Variants in THTPA observed in about 807,000 individuals in gnomAD.
The protein encoded by THTPA is thiamine-triphosphatase.
THTPA carries 16 observed loss-of-function variants against 16.5 expected under a neutral mutation model. That is an observed-to-expected ratio of 0.97 (90% confidence interval 0.66 to 1.47). The LOEUF (loss-of-function observed/expected upper bound fraction) is 1.47. Among genes scored for constraint, THTPA ranks in the 40% most tolerant of loss-of-function variants. The pLI, the probability that THTPA is intolerant of heterozygous loss-of-function variation, is 0.00. For missense variants in THTPA, 281 were observed against 280.9 expected (o/e 1.00, Z 0.00); for synonymous variants, 110 against 115.5 (o/e 0.95, Z 0.30).
At chr14:23,527,955 G>A in the THTPA span, among the ~76,000 whole-genome samples, 10 of 146,928 alleles carry the variant, frequency 6.8e-5, no homozygotes, top group African/African-American at 1.0e-4. Flanking sequence ...CACCCAGGCC[G>A]GAGTGCAGTG....
At chr14:23,525,110 T>C in the THTPA span, 1 of 1,536,166 alleles carries the variant, frequency 6.5e-7, no homozygotes. The surrounding 1 kb of genome is among the most constrained non-coding windows in gnomAD (Gnocchi z 5.9). Context: ...AAAGAAAGAC[T>C]GCAGGGCTTG....
At chr14:23,544,878 T>C in the THTPA span, among the ~76,000 whole-genome samples, 24 of 152,164 alleles carry the variant, frequency 1.6e-4, no homozygotes, top group Non-Finnish European at 3.1e-4. Flanking sequence ...ACCTTTTTTT[T>C]CTGCTCCTCC....
the THTPA span, chr14:23,526,551 G>T: frequency 1.3e-6 from 2 of 1,535,928 alleles, no homozygotes; most frequent in Non-Finnish European, 1.7e-6. Context: ...TCAGGTTCAG[G>T]GACTGGAGAT....
the THTPA span, chr14:23,528,563 A>G: frequency 1.0e-6 from 1 of 973,110 alleles, no homozygotes; most frequent in African/African-American, 1.8e-5. Flanking sequence ...CATTTTCTGG[A>G]CCCAGAGGCT....
At chr14:23,539,517 G>A in the THTPA span, among the ~76,000 whole-genome samples, 1 of 152,156 alleles carries the variant, frequency 6.6e-6, no homozygotes, top group African/African-American at 2.4e-5. Context: ...CGAGCAAGAT[G>A]GGGGAAATAG....
chr14:23,555,745 G>C (rs1428262787), upstream of THTPA: 2 of 136,836 alleles, frequency 1.5e-5, no homozygotes, highest in Non-Finnish European at 3.0e-5. Flanking sequence ...GGCTGCTATA[G>C]CAGATATCTG....
At chr14:23,551,997 G>A (rs879493319), upstream of THTPA, among the ~76,000 whole-genome samples, 2 of 152,166 alleles carry the variant, frequency 1.3e-5, no homozygotes, top group Non-Finnish European at 2.9e-5. This position sits in a 1 kb window ranked among gnomAD's most constrained non-coding sequence, Gnocchi z 5.3. Flanking sequence ...TCATCCTGTG[G>A]CCTGCAGAAA....
chr14:23,528,873 C>G, the THTPA span: 5 of 976,050 alleles, frequency 5.1e-6, no homozygotes, highest in East Asian at 1.1e-4. Flanking sequence ...CAGGCTGGCA[C>G]CAGTGGCACA....
the THTPA span, chr14:23,526,935 C>G: frequency 6.5e-7 from 1 of 1,530,980 alleles, no homozygotes; most frequent in South Asian, 1.2e-5. Flanking sequence ...TGGGTGCAGA[C>G]AGCACTTTGG....
rs1327706507 is a variant in THTPA, at chr14:23,560,035, C to A, written c.*1195C>A. ...GGGGGCCTGCAGCTGCAGCTGGAGACTCTGAACACAGGAGTTTAACAGAGC... is the reference window on the plus strand; with the variant it reads ...GGGGGCCTGCAGCTGCAGCTGGAGAATCTGAACACAGGAGTTTAACAGAGC... On this transcript the variant is annotated 3_prime_UTR_variant, in exon 2 of 2. Transcript: ENST00000288014. The A allele has an allele frequency of 6.2e-7, 1 of 1,600,410 alleles. No individual in the cohort carries two copies.
chr14:23,529,350 C>G, the THTPA span: 1 of 247,776 alleles, frequency 4.0e-6, no homozygotes, highest in Non-Finnish European at 7.9e-6. Flanking sequence ...CTTTCTGCTC[C>G]TAACTAAGGG....
chr14:23,546,602 G>T, the THTPA span, among the ~76,000 whole-genome samples: 1 of 152,128 alleles, frequency 6.6e-6, no homozygotes, highest in Admixed American at 6.5e-5. This position sits in a 1 kb window ranked among gnomAD's most constrained non-coding sequence, Gnocchi z 4.7. Context: ...TTTCACCCCT[G>T]CCTTGCCAGC....
At chr14:23,535,565 TTTTA>T in the THTPA span, among the ~76,000 whole-genome samples, 10 of 152,222 alleles carry the variant, frequency 6.6e-5, no homozygotes, top group South Asian at 1.7e-3. The surrounding 1 kb of genome is among the most constrained non-coding windows in gnomAD (Gnocchi z 4.5). Flanking sequence ...GAACTCTTCA[TTTTA>T]TTTATTTTAT....
chr14:23,513,588 G>C, the THTPA span: 3 of 152,680 alleles, frequency 2.0e-5, no homozygotes, highest in East Asian at 5.8e-4. Context: ...TGCATGAGTT[G>C]CTTCATGCTG....
the THTPA span, chr14:23,524,586 T>A: frequency 6.5e-7 from 1 of 1,535,728 alleles, no homozygotes; most frequent in Non-Finnish European, 8.7e-7. This position sits in a 1 kb window ranked among gnomAD's most constrained non-coding sequence, Gnocchi z 5.6. Context: ...CGGCGGTGAC[T>A]GGTCAGGAGG....
At chr14:23,517,742 C>T in the THTPA span, among the ~76,000 whole-genome samples, 1 of 151,922 alleles carries the variant, frequency 6.6e-6, no homozygotes, top group Non-Finnish European at 1.5e-5. Flanking sequence ...GGAGTGGACC[C>T]CTCAACCATG....
At chr14:23,546,692 C>A in the THTPA span, among the ~76,000 whole-genome samples, 56,576 of 151,976 alleles carry the variant, frequency 0.37, 12,184 homozygotes, top group African/African-American at 0.6. This position sits in a 1 kb window ranked among gnomAD's most constrained non-coding sequence, Gnocchi z 4.7. Flanking sequence ...GGGTGGTGGG[C>A]TGACCGAGCT....
the THTPA span, chr14:23,514,515 T>G: frequency 6.6e-6 from 1 of 152,348 alleles, no homozygotes; most frequent in Admixed American, 6.5e-5. Flanking sequence ...AGATCCCATT[T>G]GGACTCTCCA....
At chr14:23,542,127 G>GTC in the THTPA span, 2 of 152,424 alleles carry the variant, frequency 1.3e-5, no homozygotes, top group African/African-American at 2.4e-5. Context: ...ATGAAGCTAG[G>GTC]TCTTGATTTG....
Sources: gnomAD v4.1 joint callset for allele counts (sites outside exome capture counted in the v4.1 genomes callset) on GRCh38, gnomAD v4.1.1 for gene constraint, Gnocchi (gnomAD v3.1) non-coding constraint, MANE v1.5 for transcripts, NCBI Gene and HGNC (gene_info 2026-07-23, HGNC 2026-07-21) for gene names.